Variants in PDE7B observed in about 807,000 individuals in gnomAD.
The protein encoded by PDE7B is phosphodiesterase 7B, also known as 3',5'-cyclic-AMP phosphodiesterase 7B.
A neutral mutation model predicts 56.2 loss-of-function variants in PDE7B; 29 were observed. The observed-to-expected ratio is 0.52, with a 90% CI of 0.38 to 0.70. The LOEUF (loss-of-function observed/expected upper bound fraction) is 0.70. PDE7B is among the 30% of genes least tolerant of loss of function. The pLI, the probability that PDE7B is intolerant of heterozygous loss-of-function variation, is 0.00. For missense variants in PDE7B, 490 were observed against 565.0 expected (o/e 0.87, Z 1.35); for synonymous variants, 197 against 196.9 (o/e 1.00, Z 0.00).
At chr6:135,894,999 A>G (rs1453731549) in intron 1 of PDE7B, among the ~76,000 whole-genome samples, 1 of 152,130 alleles carries the variant, frequency 6.6e-6, no homozygotes, top group Non-Finnish European at 1.5e-5. Flanking sequence ...TGTGCTAAAA[A>G]GGGTTTAAGA....
chr6:136,164,552 T>C (rs575432631), intron 8 of PDE7B, among the ~76,000 whole-genome samples: 213 of 152,350 alleles, frequency 1.4e-3, no homozygotes, highest in African/African-American at 4.9e-3. Flanking sequence ...AGCATAATTA[T>C]TCTTTCCAAA....
intron 2 of PDE7B, among the ~76,000 whole-genome samples, chr6:135,975,131 C>T (rs961507312): frequency 1.5e-4 from 23 of 151,966 alleles, no homozygotes; most frequent in Admixed American, 4.6e-4. Context: ...GTGGCCAACT[C>T]CAGTCGTTTT....
chr6:135,881,057 A>G (rs1014196430), intron 1 of PDE7B, among the ~76,000 whole-genome samples: 1 of 152,174 alleles, frequency 6.6e-6, no homozygotes, highest in Non-Finnish European at 1.5e-5. Flanking sequence ...TGGGAAATAC[A>G]GAGACCCCAT....
At chr6:135,920,784 T>C (rs1774060862) in intron 1 of PDE7B, among the ~76,000 whole-genome samples, 2 of 152,290 alleles carry the variant, frequency 1.3e-5, no homozygotes, top group Non-Finnish European at 2.9e-5. Context: ...AGAGGAAAAG[T>C]CTTTGAAGTA....
At chr6:136,103,108 G>C (rs540058319) in intron 2 of PDE7B, among the ~76,000 whole-genome samples, 1 of 152,120 alleles carries the variant, frequency 6.6e-6, no homozygotes, top group Admixed American at 6.5e-5. Flanking sequence ...CTCTCTCACC[G>C]ACAGCCCAGG....
chr6:135,992,181 T>C (rs1369455414), intron 2 of PDE7B, among the ~76,000 whole-genome samples: 2 of 146,560 alleles, frequency 1.4e-5, no homozygotes, highest in African/African-American at 5.1e-5. Flanking sequence ...ACACATAAAA[T>C]ACACTAATAC....
At chr6:135,986,858 T>C (rs1446068454) in intron 2 of PDE7B, among the ~76,000 whole-genome samples, 1 of 152,212 alleles carries the variant, frequency 6.6e-6, no homozygotes, top group East Asian at 1.9e-4. Context: ...GAGAAGAGAC[T>C]GAAATATTCC....
intron 2 of PDE7B, among the ~76,000 whole-genome samples, chr6:136,048,382 CG>C (rs1562479412): frequency 4.6e-5 from 7 of 151,882 alleles, no homozygotes; most frequent in African/African-American, 1.7e-4. Context: ...AAATTAGAGG[CG>C]TGGTGGTGGG....
At position 136,184,106 on chromosome 6, in the gene PDE7B, T is replaced by C. The variant is rs1047667161; in HGVS notation, c.1045+2783T>C. 8.6e-4 allele frequency among the ~76,000 whole-genome samples: 131 copies of C among 152,202 alleles called. 3 individuals are homozygous for C. The highest frequency in any genetic ancestry group is 1.6e-4 in the Non-Finnish European group (11 of 68,030). On this transcript the variant is annotated intron_variant, in intron 11 of 12. Coordinates refer to ENST00000308191, the MANE Select transcript of PDE7B (RefSeq NM_018945.4). ...GTCTAATCCTCAACAAAACTGATTA[T>C]CCTATGTGCAAAGCCCCATTGGAGA... is the stretch of plus-strand genomic sequence containing the variant.
chr6:136,183,241 A>T, intron 11 of PDE7B, among the ~76,000 whole-genome samples: 1 of 152,234 alleles, frequency 6.6e-6, no homozygotes, highest in Non-Finnish European at 1.5e-5. Context: ...AATAGAAAGT[A>T]TATCTAGTCC....
At chr6:136,170,209 G>A (rs181999657) in intron 8 of PDE7B, among the ~76,000 whole-genome samples, 3 of 152,042 alleles carry the variant, frequency 2.0e-5, no homozygotes, top group Non-Finnish European at 4.4e-5. Context: ...ATAATGGGAT[G>A]GTTTTTAGCC....
intron 2 of PDE7B, among the ~76,000 whole-genome samples, chr6:135,961,261 G>GTGTA (rs1562453364): frequency 1.4e-5 from 2 of 141,942 alleles, no homozygotes; most frequent in African/African-American, 5.8e-5. Flanking sequence ...GTATATGTGT[G>GTGTA]TGTGTGTGTG....
Position 136,191,647 on chromosome 6 carries a change from G to A in PDE7B, c.1160G>A (p.Arg387Gln), listed in dbSNP as rs377503519. The change falls in exon 13 of 13, where the codon CGG becomes CAG. Residue 387 changes from arginine to glutamine, a missense_variant. Physicochemically the swap from Arg to Gln is conservative, Grantham distance 43. Coordinates refer to ENST00000308191, the MANE Select transcript of PDE7B (RefSeq NM_018945.4). ...FMSYIVEPLF[R>Q]EWAHFTGNST... ...AGCTACATCGTGGAGCCGCTCTTCC[G>A]GGAATGGGCCCATTTCACGGGTAAC... 2.6e-5 allele frequency: 42 copies of A among 1,614,100 alleles called. No individual in the cohort carries two copies. The African/African-American group carries it at 4.1e-4, about 16-fold the overall frequency.
rs912708524 is a variant in PDE7B, at chr6:136,192,576, G to A, written c.*736G>A. The stretch of plus-strand genomic sequence containing the variant: ...TACAGTTCATTCCTTTGCACCATTA[G>A]CCAATCTGTCTTTTATGGATTCTGT... On this transcript the variant is annotated 3_prime_UTR_variant, in exon 13 of 13. Transcript: ENST00000308191. The A allele has an allele frequency of 2.6e-5, 4 of 152,534 alleles. No individual in the cohort carries two copies. Among genetic ancestry groups the A allele is most frequent in the Non-Finnish European group, 5.9e-5 (4 of 68,018 alleles). The allele number at this position is 152,534 out of a possible 1,614,324, so 9.4% of individuals were successfully genotyped here. A position where few individuals can be genotyped will look rare whatever the true frequency, so the allele number is the denominator to read the frequency against.
At chr6:135,901,059 C>CG (rs1442716036) in intron 1 of PDE7B, among the ~76,000 whole-genome samples, 2 of 152,262 alleles carry the variant, frequency 1.3e-5, no homozygotes, top group East Asian at 3.9e-4. Context: ...ATGTGACCAT[C>CG]ACAGACGTTT....
At position 136,098,178 on chromosome 6, in the gene PDE7B, A is replaced by G. The variant is rs1042829848; in HGVS notation, c.83-10553A>G. 2.0e-5 allele frequency: 3 copies of G among 147,948 alleles called. No individual in the cohort carries two copies. In the Admixed American group the frequency reaches 2.0e-4, roughly 10 times the overall value. 9.2% of individuals were successfully genotyped at this position (147,948 alleles called of 1,614,324 possible). On this transcript the variant is annotated intron_variant, in intron 2 of 12. Transcript: ENST00000308191. ...TATGTATATATATACACACACACAC[A>G]TATACAGGAAGAGAAGTGGGGAAGG...
At chr6:135,961,269 G>GTGTGTGTGTA (rs1774895346) in intron 2 of PDE7B, among the ~76,000 whole-genome samples, 2 of 142,470 alleles carry the variant, frequency 1.4e-5, no homozygotes, top group African/African-American at 5.7e-5. Flanking sequence ...GTGTGTGTGT[G>GTGTGTGTGTA]TGTGTGTGTG....
chr6:135,933,862 TTTC>T (rs1774340792), intron 1 of PDE7B, among the ~76,000 whole-genome samples: 1 of 152,174 alleles, frequency 6.6e-6, no homozygotes, highest in Admixed American at 6.5e-5. Context: ...TTGTATTCCT[TTTC>T]TTAAGAGTCC....
At chr6:135,966,301 T>C (rs958674513) in intron 2 of PDE7B, among the ~76,000 whole-genome samples, 1 of 152,218 alleles carries the variant, frequency 6.6e-6, no homozygotes, top group African/African-American at 2.4e-5. Flanking sequence ...GCTTCTGTTT[T>C]TCTCTCTTTG....
Sources: allele counts gnomAD v4.1 joint callset (sites outside exome capture counted in the v4.1 genomes callset), GRCh38; gene constraint gnomAD v4.1.1; transcripts MANE v1.5; gene names NCBI Gene and HGNC (gene_info 2026-07-23, HGNC 2026-07-21).